Variants in STOX2 observed in about 807,000 individuals in gnomAD.
STOX2 encodes storkhead-box protein 2.
In STOX2, 28 loss-of-function variants were observed where a neutral mutation model predicts 60.9. The observed-to-expected ratio is 0.46, with a 90% confidence interval of 0.34 to 0.63. The LOEUF is 0.63. STOX2 is among the 30% of genes least tolerant of loss of function. The pLI, the probability that STOX2 is intolerant of heterozygous loss-of-function variation, is 0.01. For missense variants in STOX2, 1,024 were observed against 1,187.7 expected, an observed-to-expected ratio of 0.86 and a Z score of 2.03; for synonymous variants, 472 against 463.9, an observed-to-expected ratio of 1.02 and a Z score of -0.22.
intron 1 of STOX2, among the ~76,000 whole-genome samples, chr4:183,822,623 C>T (rs928961250): frequency 2.0e-5 from 3 of 152,164 alleles, no homozygotes; most frequent in East Asian, 1.9e-4. Flanking sequence ...AACGCTGCCG[C>T]GGATCTGACA....
At chr4:183,818,850 C>T (rs1024080406) in intron 1 of STOX2, among the ~76,000 whole-genome samples, 5 of 150,828 alleles carry the variant, frequency 3.3e-5, no homozygotes, top group South Asian at 2.1e-4. Context: ...CGGGCAGAGG[C>T]GCTCCTCACA....
chr4:184,010,698 T>C lies in STOX2; in HGVS notation c.1860T>C (p.Asn620=), dbSNP rs773543846. ...CGGCACCATCACCTCTGGGAAAGAA[T>C]AAGGAGGACCATGACACTCTGACTT... ...VLTAPSPLGK[N]KEDHDTLTLA... is the part of the protein sequence containing the mutation. The change falls in exon 3 of 4, where the codon AAT becomes AAC. Residue 620 remains asparagine, a synonymous_variant. Coordinates refer to ENST00000308497, the MANE Select transcript of STOX2 (RefSeq NM_020225.3). The surrounding 1 kb of genome is among the most constrained non-coding windows in gnomAD (Gnocchi z 4.5). 1 of 1,611,680 alleles carries C rather than the reference T, an allele frequency of 6.2e-7. No homozygotes were observed. Among genetic ancestry groups the C allele is most frequent in the South Asian group, 1.1e-5 (1 of 90,578 alleles).
At chr4:183,994,019 G>T (rs1041257328) in intron 1 of STOX2, among the ~76,000 whole-genome samples, 1 of 152,152 alleles carries the variant, frequency 6.6e-6, no homozygotes, top group Admixed American at 6.6e-5. Flanking sequence ...ACATAAAATT[G>T]GGGTTAATAA....
intron 1 of STOX2, among the ~76,000 whole-genome samples, chr4:183,915,452 A>G (rs1741904877): frequency 6.6e-6 from 1 of 151,506 alleles, no homozygotes; most frequent in African/African-American, 2.4e-5. Flanking sequence ...GCTGCCCAGT[A>G]TCTGAACCTC....
chr4:183,844,556 A>G (rs902806051), intron 1 of STOX2, among the ~76,000 whole-genome samples: 1 of 152,220 alleles, frequency 6.6e-6, no homozygotes, highest in African/African-American at 2.4e-5. Context: ...CTGAGTACAG[A>G]GAATTTTTAC....
At chr4:183,975,621 A>C (rs888740100) in intron 1 of STOX2, among the ~76,000 whole-genome samples, 1 of 152,144 alleles carries the variant, frequency 6.6e-6, no homozygotes, top group Non-Finnish European at 1.5e-5. Context: ...TCACCCCAAA[A>C]TATCCCTTTA....
chr4:183,925,757 T>A (rs1398769995), intron 1 of STOX2, among the ~76,000 whole-genome samples: 2 of 152,240 alleles, frequency 1.3e-5, no homozygotes. Context: ...TTTTATAGAA[T>A]GTTTAATGGA....
At chr4:183,985,321 T>C (rs1732798438) in intron 1 of STOX2, among the ~76,000 whole-genome samples, 1 of 152,214 alleles carries the variant, frequency 6.6e-6, no homozygotes, top group African/African-American at 2.4e-5. Context: ...GCAATGGTTG[T>C]TGAAGATGAT....
At chr4:183,807,108 G>A (rs1303534083) in intron 1 of STOX2, among the ~76,000 whole-genome samples, 1 of 152,030 alleles carries the variant, frequency 6.6e-6, no homozygotes, top group Non-Finnish European at 1.5e-5. Flanking sequence ...GAGTAGCTGG[G>A]ACTGCAGGCG....
intron 1 of STOX2, among the ~76,000 whole-genome samples, chr4:183,863,208 A>G (rs1740490549): frequency 6.6e-6 from 1 of 152,144 alleles, no homozygotes; most frequent in African/African-American, 2.4e-5. Context: ...GAGAGTCCCA[A>G]TGTGGAACGC....
intron 1 of STOX2, among the ~76,000 whole-genome samples, chr4:183,869,452 T>G (rs1740641338): frequency 6.6e-6 from 1 of 152,200 alleles, no homozygotes; most frequent in Non-Finnish European, 1.5e-5. Context: ...CCTTTTCAAC[T>G]TGCTAAGTCA....
chr4:183,883,307 T>C (rs1314162128), intron 1 of STOX2, among the ~76,000 whole-genome samples: 1 of 149,248 alleles, frequency 6.7e-6, no homozygotes. Flanking sequence ...AGTTGTTCTG[T>C]TTGACATGTT....
chr4:183,891,306 A>T (rs113306893), intron 1 of STOX2, among the ~76,000 whole-genome samples: 7 of 9,950 alleles, frequency 7.0e-4, no homozygotes, highest in African/African-American at 1.3e-3. Flanking sequence ...ATATATATAT[A>T]TATCTATGAT....
chr4:183,950,943 C>T (rs112970505), intron 1 of STOX2, among the ~76,000 whole-genome samples: 43 of 152,074 alleles, frequency 2.8e-4, no homozygotes, highest in East Asian at 9.7e-4. Context: ...CGGCCGGGCG[C>T]GGTGGCTCAC....
At chr4:183,947,756 G>A in intron 1 of STOX2, among the ~76,000 whole-genome samples, 1 of 152,056 alleles carries the variant, frequency 6.6e-6, no homozygotes, top group Non-Finnish European at 1.5e-5. Flanking sequence ...TGTTTGTCAG[G>A]GTTCTCCCAA....
At chr4:183,879,419 C>T (rs1241568480) in intron 1 of STOX2, among the ~76,000 whole-genome samples, 9 of 152,216 alleles carry the variant, frequency 5.9e-5, no homozygotes, top group Non-Finnish European at 1.0e-4. Flanking sequence ...CACAGAGCTC[C>T]GGCAATGAAT....
chr4:183,948,937 G>C (rs1222834731), intron 1 of STOX2, among the ~76,000 whole-genome samples: 2 of 152,100 alleles, frequency 1.3e-5, no homozygotes, highest in African/African-American at 4.8e-5. Flanking sequence ...GAGGGTGCTC[G>C]GCAAATCTTA....
intron 1 of STOX2, among the ~76,000 whole-genome samples, chr4:183,846,384 C>G (rs1044267153): frequency 1.3e-5 from 2 of 152,184 alleles, no homozygotes; most frequent in Admixed American, 1.3e-4. Flanking sequence ...TCTCTCCTCT[C>G]TTTGTGGAAC....
intron 1 of STOX2, among the ~76,000 whole-genome samples, chr4:183,860,102 G>A (rs1176733596): frequency 6.7e-6 from 1 of 149,722 alleles, no homozygotes; most frequent in African/African-American, 2.5e-5. Context: ...TTTTTTTACC[G>A]ATGTCTACCT....
Sources: allele counts gnomAD v4.1 joint callset (sites outside exome capture counted in the v4.1 genomes callset), GRCh38; gene constraint gnomAD v4.1.1; non-coding constraint Gnocchi (gnomAD v3.1); transcripts MANE v1.5; gene names NCBI Gene and HGNC (gene_info 2026-07-23, HGNC 2026-07-21).